Variants in ZNF521 observed in about 807,000 individuals in gnomAD.
ZNF521 encodes LYST-interacting protein 3.
In ZNF521, 14 loss-of-function variants were observed where a neutral mutation model predicts 105.5. That is an observed-to-expected ratio of 0.13 (90% CI 0.09 to 0.21). The LOEUF (loss-of-function observed/expected upper bound fraction) is 0.21. ZNF521 is among the 10% of genes least tolerant of loss of function. ZNF521 has a pLI of 1.00. For missense variants in ZNF521, 1,233 were observed against 1,629.7 expected (o/e 0.76, Z 4.19); for synonymous variants, 635 against 606.0 (o/e 1.05, Z -0.70).
intron 3 of ZNF521, among the ~76,000 whole-genome samples, chr18:25,281,832 A>G (rs1020603113): frequency 2.0e-5 from 3 of 152,184 alleles, no homozygotes; most frequent in Non-Finnish European, 4.4e-5. Context: ...GTATCTTACC[A>G]GGCAAGTGGC....
At chr18:25,298,006 G>A (rs1043399077) in intron 3 of ZNF521, among the ~76,000 whole-genome samples, 1 of 152,034 alleles carries the variant, frequency 6.6e-6, no homozygotes, top group African/African-American at 2.4e-5. Context: ...TATGTACCAG[G>A]TCCTGGGCTA....
chr18:25,329,228 T>A (rs1238033440), intron 2 of ZNF521, among the ~76,000 whole-genome samples: 1 of 152,130 alleles, frequency 6.6e-6, no homozygotes, highest in Non-Finnish European at 1.5e-5. Context: ...CAGCTTGGGG[T>A]GACTGGAAAC....
intron 5 of ZNF521, among the ~76,000 whole-genome samples, chr18:25,180,044 G>A (rs1026304832): frequency 1.3e-5 from 2 of 152,028 alleles, no homozygotes; most frequent in Non-Finnish European, 2.9e-5. Flanking sequence ...CTAGTTCAAG[G>A]TACAGATTAT....
At chr18:25,281,004 C>T (rs1730686737) in intron 3 of ZNF521, among the ~76,000 whole-genome samples, 1 of 152,166 alleles carries the variant, frequency 6.6e-6, no homozygotes, top group South Asian at 2.1e-4. Flanking sequence ...CTAAGCAAAT[C>T]AATCCTTACA....
intron 3 of ZNF521, among the ~76,000 whole-genome samples, chr18:25,302,454 T>C (rs1242822171): frequency 6.6e-6 from 1 of 152,154 alleles, no homozygotes; most frequent in Non-Finnish European, 1.5e-5. Context: ...TGAGGATACA[T>C]ATAGAATGGA....
rs148464388 is a variant in ZNF521 at position 25,146,866 on chromosome 18, C to A, written c.3658+48294G>T. Reference sequence around the variant, plus strand: ...ATTACATTGTGATAAACCCTTTATACCTAGATACAGGTATAAATATCCTAT... The same window carrying A: ...ATTACATTGTGATAAACCCTTTATAACTAGATACAGGTATAAATATCCTAT... On this transcript the variant is annotated intron_variant, in intron 5 of 7. Transcript: ENST00000361524. Among the ~76,000 whole-genome samples, 24 of 152,092 alleles carry A rather than the reference C, an allele frequency of 1.6e-4. No individual in the cohort carries two copies. The East Asian group carries it at 4.4e-3, about 28-fold the overall frequency.
chr18:25,294,778 C>T (rs561589460), intron 3 of ZNF521, among the ~76,000 whole-genome samples: 27 of 145,640 alleles, frequency 1.9e-4, no homozygotes, highest in African/African-American at 6.3e-4. Context: ...TCGCTTGAAC[C>T]CAGGAGGCGG....
intron 2 of ZNF521, among the ~76,000 whole-genome samples, chr18:25,328,841 C>T (rs968879708): frequency 2.0e-5 from 3 of 152,308 alleles, no homozygotes; most frequent in East Asian, 1.9e-4. Flanking sequence ...CGTGAGCCAT[C>T]GCGCTGGCCT....
chr18:25,088,031 G>A (rs2033660979), intron 7 of ZNF521, among the ~76,000 whole-genome samples: 1 of 152,058 alleles, frequency 6.6e-6, no homozygotes, highest in Admixed American at 6.5e-5. Flanking sequence ...GACCCAATGT[G>A]GGATGGAAGA....
intron 5 of ZNF521, among the ~76,000 whole-genome samples, chr18:25,128,506 A>T (rs8090129): frequency 1.2e-4 from 18 of 151,666 alleles, no homozygotes; most frequent in Admixed American, 9.9e-4. Flanking sequence ...GAAAAAAAGA[A>T]ATTAAAACTT....
intron 3 of ZNF521, among the ~76,000 whole-genome samples, chr18:25,287,416 C>T (rs1042702380): frequency 1.5e-4 from 23 of 152,108 alleles, no homozygotes; most frequent in African/African-American, 3.1e-4. Flanking sequence ...TTCAACAACA[C>T]GTTAACTTTA....
intron 5 of ZNF521, among the ~76,000 whole-genome samples, chr18:25,152,244 C>T (rs2035061275): frequency 1.3e-5 from 2 of 152,006 alleles, no homozygotes; most frequent in South Asian, 2.1e-4. Context: ...TTTGGGAGGC[C>T]GAGGCGGGTG....
chr18:25,188,060 A>G (rs756540772), intron 5 of ZNF521, among the ~76,000 whole-genome samples: 18 of 152,132 alleles, frequency 1.2e-4, no homozygotes, highest in Non-Finnish European at 2.4e-4. Flanking sequence ...ACAGAAAAAC[A>G]GAGTTGGGGT....
chr18:25,224,387 T>C lies in ZNF521; in HGVS notation c.3531A>G (p.Gln1177=), dbSNP rs760470496. 4.3e-6 allele frequency: 7 copies of C among 1,613,652 alleles called. No individual in the cohort carries two copies. The highest frequency in any genetic ancestry group is 5.1e-6 in the Non-Finnish European group (6 of 1,179,932). Residue 1177 remains glutamine (Q), a synonymous_variant, in exon 4 of 8, where the codon CAA becomes CAG. Coordinates refer to ENST00000361524, the MANE Select transcript of ZNF521 (RefSeq NM_015461.3). ...DSNSTQLKTP[Q]VSPMPRISPS... is the part of the protein sequence containing the mutation. ...GACTGATTCTGGGCATTGGTGATAC[T>C]TGGGGCGTTTTCAACTGTGTGCTGT... is the stretch of plus-strand genomic sequence containing the variant.
chr18:25,249,424 T>C (rs181747664), intron 3 of ZNF521, among the ~76,000 whole-genome samples: 15 of 152,022 alleles, frequency 9.9e-5, no homozygotes, highest in African/African-American at 3.6e-4. Context: ...CCCTAAGTGC[T>C]GGGATTACAG....
chr18:25,294,959 A>AG, intron 3 of ZNF521, among the ~76,000 whole-genome samples: 1 of 152,156 alleles, frequency 6.6e-6, no homozygotes, highest in South Asian at 2.1e-4. Context: ...TTCTTTTAAA[A>AG]AAAATTGACG....
intron 3 of ZNF521, among the ~76,000 whole-genome samples, chr18:25,278,449 T>C (rs977520369): frequency 7.5e-4 from 114 of 152,332 alleles, no homozygotes; most frequent in African/African-American, 2.2e-3. Flanking sequence ...GTCCCATTAA[T>C]GCTAATGCAG....
intron 7 of ZNF521, among the ~76,000 whole-genome samples, chr18:25,073,711 A>G (rs2033280918): frequency 6.6e-6 from 1 of 152,218 alleles, no homozygotes; most frequent in African/African-American, 2.4e-5. Context: ...CCAAATTCCA[A>G]TAATTATGAA....
At chr18:25,252,788 G>A (rs568756761) in intron 3 of ZNF521, among the ~76,000 whole-genome samples, 2 of 152,096 alleles carry the variant, frequency 1.3e-5, no homozygotes, top group Non-Finnish European at 2.9e-5. Flanking sequence ...AAACCCCATA[G>A]CGCATCCATA....
Sources: allele counts gnomAD v4.1 joint callset (sites outside exome capture counted in the v4.1 genomes callset), GRCh38; gene constraint gnomAD v4.1.1; transcripts MANE v1.5; gene names NCBI Gene and HGNC (gene_info 2026-07-23, HGNC 2026-07-21).